The following EPHB1 variants were observed in gnomAD, a reference collection of about 807,000 sequenced individuals.
EPHB1 encodes the protein ephrin type-B receptor 1.
Under a neutral mutation model 94.4 loss-of-function variants are expected in EPHB1, and 30 were observed. The observed-to-expected ratio is 0.32, with a 90% CI of 0.24 to 0.43. EPHB1 has a LOEUF of 0.43. Ranked by LOEUF, EPHB1 falls within the 20% of genes least tolerant of loss-of-function variation. The pLI is 1.00. For missense variants in EPHB1, 1,055 were observed against 1,308.3 expected (o/e 0.81, Z 2.99); for synonymous variants, 522 against 489.1 (o/e 1.07, Z -0.89).
Position 134,987,161 on chromosome 3 carries a change from T to C in EPHB1, c.805+35109T>C, listed in dbSNP as rs369737433. ...GTAATAACAGTAACAACAACAACAA[T>C]AATAATAATAATTACTAACATTTAT... On this transcript the variant is annotated intron_variant, in intron 3 of 15. Coordinates refer to ENST00000398015, the MANE Select transcript of EPHB1 (RefSeq NM_004441.5). Among the ~76,000 whole-genome samples, 36 of 152,076 alleles carry C rather than the reference T, an allele frequency of 2.4e-4. No individual in the cohort carries two copies. The South Asian group carries it at 7.1e-3, about 30-fold the overall frequency.
At chr3:134,900,825 A>G (rs1485567296) in intron 1 of EPHB1, among the ~76,000 whole-genome samples, 2 of 152,148 alleles carry the variant, frequency 1.3e-5, no homozygotes, top group Non-Finnish European at 2.9e-5. Flanking sequence ...TGAGAGGCAC[A>G]TGGGTGTGTG....
chr3:134,978,228 C>T (rs1396747805), intron 3 of EPHB1, among the ~76,000 whole-genome samples: 2 of 152,044 alleles, frequency 1.3e-5, no homozygotes, highest in African/African-American at 4.8e-5. Flanking sequence ...GCTGCCCCTA[C>T]CCTAAGCCAC....
chr3:135,054,004 C>T (rs920107047), intron 3 of EPHB1, among the ~76,000 whole-genome samples: 2 of 143,836 alleles, frequency 1.4e-5, no homozygotes, highest in Non-Finnish European at 3.0e-5. Flanking sequence ...AATATATATA[C>T]ATGTGCATAT....
At chr3:135,014,914 C>T (rs1036126322) in intron 3 of EPHB1, among the ~76,000 whole-genome samples, 3 of 152,178 alleles carry the variant, frequency 2.0e-5, no homozygotes, top group Non-Finnish European at 4.4e-5. Flanking sequence ...ACTTTCCTTT[C>T]TTCTTATTTA....
At chr3:134,811,032 C>T (rs1578104038) in intron 1 of EPHB1, among the ~76,000 whole-genome samples, 1 of 152,168 alleles carries the variant, frequency 6.6e-6, no homozygotes, top group East Asian at 1.9e-4. Flanking sequence ...GCCCCTCCCC[C>T]TTTCCCACAT....
At chr3:135,220,405 A>G (rs530770195) in intron 12 of EPHB1, among the ~76,000 whole-genome samples, 2 of 152,302 alleles carry the variant, frequency 1.3e-5, no homozygotes, top group African/African-American at 4.8e-5. Flanking sequence ...AGTAAGAAAC[A>G]GGAAAGGAAG....
At chr3:134,882,708 C>CTTCCTTCTTTCCTTCTTCT (rs1423868422) in intron 1 of EPHB1, among the ~76,000 whole-genome samples, 2 of 148,444 alleles carry the variant, frequency 1.3e-5, no homozygotes, top group East Asian at 3.9e-4. Flanking sequence ...TCTTTCCTTC[C>CTTCCTTCTTTCCTTCTTCT]TTCCTTCTTT....
intron 3 of EPHB1, among the ~76,000 whole-genome samples, chr3:135,008,311 A>G (rs1392429177): frequency 1.3e-5 from 2 of 152,218 alleles, no homozygotes; most frequent in East Asian, 1.9e-4. Context: ...AAGCATTCCT[A>G]TAAGGCAAAT....
intron 3 of EPHB1, among the ~76,000 whole-genome samples, chr3:135,018,520 C>T (rs2107752944): frequency 6.6e-6 from 1 of 152,290 alleles, no homozygotes; most frequent in Non-Finnish European, 1.5e-5. Context: ...TCTTAAAGCA[C>T]CCACCGATCT....
rs1942952879 is a variant in EPHB1, at chr3:135,208,292, TGTGTGTGTGTGTGTGTG to T, written c.2346+6604_2346+6620del. 9.7e-4 allele frequency among the ~76,000 whole-genome samples: 106 copies of T among 109,116 alleles called. 2 individuals carry two copies. In the East Asian group the frequency reaches 0.02, roughly 21 times the overall value. The allele number at this position is 109,116 out of a possible 152,430, so 71.6% of individuals were successfully genotyped here. On this transcript the variant is annotated intron_variant, in intron 12 of 15. Coordinates refer to ENST00000398015, the MANE Select transcript of EPHB1 (RefSeq NM_004441.5). The stretch of plus-strand genomic sequence containing the variant: ...GAGCAATGGGAAACCTTTCATGACG[TGTGTGTGTGTGTGTGTG>T]TGTGTGTGTGTGTGTGTGTGTGTGT...
intron 3 of EPHB1, among the ~76,000 whole-genome samples, chr3:135,015,357 C>T (rs1394920608): frequency 6.6e-6 from 1 of 152,098 alleles, no homozygotes; most frequent in Non-Finnish European, 1.5e-5. Context: ...TCTCCTGCCT[C>T]AGCCTCCCAA....
At chr3:135,033,881 G>T (rs1367421065) in intron 3 of EPHB1, among the ~76,000 whole-genome samples, 1 of 152,176 alleles carries the variant, frequency 6.6e-6, no homozygotes, top group Non-Finnish European at 1.5e-5. Flanking sequence ...CAGATTCAGA[G>T]AATTTTGTTG....
At chr3:135,252,318 A>C in intron 15 of EPHB1, among the ~76,000 whole-genome samples, 3 of 148,074 alleles carry the variant, frequency 2.0e-5, no homozygotes, top group Non-Finnish European at 3.0e-5. Context: ...GCACCCACTA[A>C]CTCGTCATCT....
chr3:135,099,253 G>A (rs1329576544), intron 3 of EPHB1, among the ~76,000 whole-genome samples: 1 of 152,146 alleles, frequency 6.6e-6, no homozygotes, highest in Non-Finnish European at 1.5e-5. Flanking sequence ...TACAAAGATG[G>A]CAACACCTAT....
At chr3:134,828,457 T>C (rs969571028) in intron 1 of EPHB1, among the ~76,000 whole-genome samples, 1 of 152,214 alleles carries the variant, frequency 6.6e-6, no homozygotes, top group Non-Finnish European at 1.5e-5. Flanking sequence ...TAGTCCCTAG[T>C]TGAGCCACTA....
intron 10 of EPHB1, among the ~76,000 whole-genome samples, chr3:135,186,030 AC>A (rs1341594302): frequency 6.6e-6 from 1 of 152,218 alleles, no homozygotes; most frequent in Admixed American, 6.5e-5. Flanking sequence ...GACAACAAGG[AC>A]TGAGATATTT....
intron 2 of EPHB1, among the ~76,000 whole-genome samples, chr3:134,941,973 A>G (rs2039128451): frequency 6.6e-6 from 1 of 152,234 alleles, no homozygotes; most frequent in Non-Finnish European, 1.5e-5. Context: ...CTGAACAAGT[A>G]CTTTCTAATG....
intron 4 of EPHB1, among the ~76,000 whole-genome samples, chr3:135,130,496 A>C (rs1940379451): frequency 6.6e-6 from 1 of 152,226 alleles, no homozygotes; most frequent in Non-Finnish European, 1.5e-5. Flanking sequence ...GGCTGAGCCA[A>C]GAGTAAAGAA....
intron 1 of EPHB1, among the ~76,000 whole-genome samples, chr3:134,910,756 G>C (rs761676321): frequency 1.3e-5 from 2 of 152,214 alleles, no homozygotes; most frequent in Non-Finnish European, 2.9e-5. Context: ...TGCATAGCTA[G>C]AGGAGGTCAG....
Sources: allele counts gnomAD v4.1 joint callset (sites outside exome capture counted in the v4.1 genomes callset), GRCh38; gene constraint gnomAD v4.1.1; transcripts MANE v1.5; gene names NCBI Gene and HGNC (gene_info 2026-07-23, HGNC 2026-07-21).